The following DNAH8 variants were observed in gnomAD, a reference collection of about 807,000 sequenced individuals.
The protein encoded by DNAH8 is axonemal beta dynein heavy chain 8.
A neutral mutation model predicts 562.1 loss-of-function variants in DNAH8; 382 were observed. The observed-to-expected ratio is 0.68, with a 90% confidence interval of 0.63 to 0.74. The LOEUF (loss-of-function observed/expected upper bound fraction) is 0.74, where lower values mean the gene tolerates loss of function less well. Among genes scored for constraint, DNAH8 ranks in the 30% least tolerant of loss-of-function variants. The probability of loss-of-function intolerance (pLI) is 0.00; values close to 1 mark genes in which losing one functional copy is unlikely to be tolerated. For missense variants in DNAH8, 5,203 were observed against 5,620.4 expected, an observed-to-expected ratio of 0.93 and a Z score of 2.37; for synonymous variants, 1,881 against 1,919.4, an observed-to-expected ratio of 0.98 and a Z score of 0.52.
chr6:38,812,431 C>G (rs1771882302), intron 24 of DNAH8, among the ~76,000 whole-genome samples: 1 of 152,162 alleles, frequency 6.6e-6, no homozygotes, highest in African/African-American at 2.4e-5. Context: ...GAGGATAGTA[C>G]TAAAAACCCT....
chr6:38,884,064 A>G, intron 56 of DNAH8, 66 bp downstream of exon 56: 1 of 1,042,300 alleles, frequency 9.6e-7, no homozygotes, highest in Non-Finnish European at 1.2e-6. Context: ...TATTATATAT[A>G]TGTAAATGTT....
At chr6:38,922,314 T>C (rs1781772536) in intron 71 of DNAH8, among the ~76,000 whole-genome samples, 1 of 151,778 alleles carries the variant, frequency 6.6e-6, no homozygotes, top group South Asian at 2.1e-4. Flanking sequence ...TATTTGCTGA[T>C]TTCTGTGGTG....
chr6:38,929,724 GAA>G (rs1222604990), intron 75 of DNAH8, 58 bp downstream of exon 75: 7 of 1,396,252 alleles, frequency 5.0e-6, no homozygotes, highest in Non-Finnish European at 6.6e-6. Context: ...AAGAAAAAAA[GAA>G]AAAAATTAAG....
rs769488761 is a variant in DNAH8, at chr6:38,884,015, T to C, written c.8259+17T>C. The C allele has an allele frequency of 6.8e-7, 1 of 1,464,724 alleles. No individual in the cohort carries two copies. Among genetic ancestry groups the C allele is most frequent in the South Asian group, 1.6e-5 (1 of 63,792 alleles). The allele number at this position is 1,464,724 out of a possible 1,614,324, so 90.7% of individuals were successfully genotyped here. A position where few individuals can be genotyped will look rare whatever the true frequency, so the allele number is the denominator to read the frequency against. On this transcript the variant is annotated intron_variant, in intron 56 of 92. Transcript: ENST00000327475. Reference sequence around the variant, plus strand: ...GGAGATCAGGTATGGCTGAAATATCTCATATAGATGATCCTGAATTTGTAT... The same window carrying C: ...GGAGATCAGGTATGGCTGAAATATCCCATATAGATGATCCTGAATTTGTAT...
chr6:38,841,665 CTTTACTTGGACCT>C (rs1774803119), intron 33 of DNAH8, among the ~76,000 whole-genome samples: 2 of 152,030 alleles, frequency 1.3e-5, no homozygotes, highest in Admixed American at 1.3e-4. Context: ...AAGAATTTTC[CTTTACTTGGACCT>C]TTTATTCTTG....
At chr6:38,730,820 AT>A (rs1321362049) in intron 4 of DNAH8, among the ~76,000 whole-genome samples, 1 of 152,026 alleles carries the variant, frequency 6.6e-6, no homozygotes, top group Non-Finnish European at 1.5e-5. Context: ...GCCCCTCTTC[AT>A]TGTTTTCTGC....
In DNAH8 at chr6:38,956,501, C is replaced by T. The variant is rs79717975; in HGVS notation, c.12451+4981C>T. 0.011 allele frequency among the ~76,000 whole-genome samples: 1,685 copies of T among 152,250 alleles called. 103 individuals are homozygous for T. In the East Asian group the frequency reaches 0.16, roughly 14 times the overall value. Reference sequence around the variant, plus strand: ...AGGTGGGCTTGCCAGCTCTGCCCCACGTCAAGTCCTGAAGGGCTCCGGTCT... The same window carrying T: ...AGGTGGGCTTGCCAGCTCTGCCCCATGTCAAGTCCTGAAGGGCTCCGGTCT... On this transcript the variant is annotated intron_variant, in intron 82 of 92. Transcript: ENST00000327475.
At chr6:38,964,352 G>GC in intron 82 of DNAH8, among the ~76,000 whole-genome samples, 1 of 20,204 alleles carries the variant, frequency 4.9e-5, no homozygotes, top group Non-Finnish European at 8.4e-5. Context: ...TCCCTCCCGG[G>GC]GGGGCTGACC....
At position 38,971,594 on chromosome 6, in the gene DNAH8, T is replaced by G. The variant is rs778809220; in HGVS notation, c.12454T>G (p.Cys4152Gly). Reference sequence around the variant, plus strand: ...GTGAACTTTCTCCTATGTTACAGAATGTAGAACTATCTCAATGGGGCAAGG... The same window carrying G: ...GTGAACTTTCTCCTATGTTACAGAAGGTAGAACTATCTCAATGGGGCAAGG... ...DALAKKLKLECRTISMGQGQE... is the reference protein window; with the variant it reads ...DALAKKLKLEGRTISMGQGQE... Residue 4152 changes from cysteine (C) to glycine (G), a missense_variant and splice_region_variant, in exon 83 of 93, where the codon TGT (cysteine) becomes GGT (glycine). Cys to Gly is a radical substitution (Grantham distance 159). Around this residue, in one of 6 missense-constraint regions of DNAH8, gnomAD observed 1,399 missense variants for 1,518.4 expected, o/e 0.92. Coordinates refer to ENST00000327475, the MANE Select transcript of DNAH8 (RefSeq NM_001206927.2). 1.9e-6 allele frequency: 3 copies of G among 1,577,184 alleles called. No homozygotes were observed. Among genetic ancestry groups the G allele is most frequent in the Non-Finnish European group, 2.6e-6 (3 of 1,163,188 alleles).
At chr6:38,780,485 C>T (rs1768474670) in intron 15 of DNAH8, among the ~76,000 whole-genome samples, 1 of 152,020 alleles carries the variant, frequency 6.6e-6, no homozygotes, top group South Asian at 2.1e-4. Context: ...GTGGTAGATA[C>T]ACCATGGAAT....
chr6:38,723,046 G>A lies in DNAH8; in HGVS notation c.237G>A (p.Ala79=). ...TAGTTCTTCCAGATGATCATGAAGCGGATCTGAATAGAGTTCGACAGAGGC... is the reference window on the plus strand; with the variant it reads ...TAGTTCTTCCAGATGATCATGAAGCAGATCTGAATAGAGTTCGACAGAGGC... ...EGIVLPDDHE[A]DLNRVRQRLA... Residue 79 remains alanine, a synonymous_variant, in exon 2 of 93, where the codon GCG becomes GCA. Coordinates refer to ENST00000327475, the MANE Select transcript of DNAH8 (RefSeq NM_001206927.2). 13 of 1,612,856 alleles carry A rather than the reference G, an allele frequency of 8.1e-6. No individual in the cohort carries two copies. In the South Asian group the frequency reaches 8.8e-5, roughly 11 times the overall value.
At chr6:38,992,949 CCTT>C (rs1764893989) in intron 88 of DNAH8, among the ~76,000 whole-genome samples, 1 of 151,912 alleles carries the variant, frequency 6.6e-6, no homozygotes, top group Non-Finnish European at 1.5e-5. Context: ...TGCTTTTTCT[CCTT>C]CTATATTTAT....
intron 19 of DNAH8, 119 bp downstream of exon 19, chr6:38,790,002 AT>A: frequency 4.2e-6 from 3 of 716,736 alleles, no homozygotes; most frequent in Middle Eastern, 3.2e-4. Flanking sequence ...TTCTAGTTCA[AT>A]TTTATAGCTC....
Position 38,928,920 on chromosome 6 carries a change from C to G in DNAH8, c.11119-591C>G, listed in dbSNP as rs571169619. On this transcript the variant is annotated intron_variant, in intron 74 of 92. Coordinates refer to ENST00000327475, the MANE Select transcript of DNAH8 (RefSeq NM_001206927.2). ...ATTAATCTAAACACGAAGACCCAAC[C>G]AGGAATTCAGAATTGCAGTTTTAAA... Among the ~76,000 whole-genome samples, 4 of 152,258 alleles carry G rather than the reference C, an allele frequency of 2.6e-5. No individual in the cohort carries two copies. In the East Asian group the frequency reaches 5.8e-4, roughly 22 times the overall value.
intron 26 of DNAH8, among the ~76,000 whole-genome samples, chr6:38,818,537 C>CAAAAA (rs70981590): frequency 1.2e-4 from 9 of 75,846 alleles, no homozygotes; most frequent in African/African-American, 3.7e-4. Flanking sequence ...AAAGCAAAAG[C>CAAAAA]AAAAAAAAAA....
chr6:38,729,671 G>A (rs374155192), intron 3 of DNAH8, among the ~76,000 whole-genome samples: 52 of 152,280 alleles, frequency 3.4e-4, no homozygotes, highest in African/African-American at 1.3e-3. Flanking sequence ...GTGGGGCAGG[G>A]TCAGGTAAGT....
intron 85 of DNAH8, among the ~76,000 whole-genome samples, chr6:38,978,748 A>G (rs1763837834): frequency 6.6e-6 from 1 of 152,252 alleles, no homozygotes; most frequent in African/African-American, 2.4e-5. Flanking sequence ...TGGCTCTGAC[A>G]TCATTAAAAT....
At chr6:38,824,915 A>G (rs1227313961) in intron 28 of DNAH8, among the ~76,000 whole-genome samples, 1 of 152,200 alleles carries the variant, frequency 6.6e-6, no homozygotes, top group Non-Finnish European at 1.5e-5. Flanking sequence ...GAAACTATGC[A>G]TCAGTGGCAA....
At chr6:38,794,697 T>C (rs1770065081) in intron 21 of DNAH8, among the ~76,000 whole-genome samples, 1 of 152,244 alleles carries the variant, frequency 6.6e-6, no homozygotes, top group African/African-American at 2.4e-5. Flanking sequence ...CTCAGTGTTA[T>C]ATGTATGAGA....
Sources: gnomAD v4.1 joint callset for allele counts (sites outside exome capture counted in the v4.1 genomes callset) on GRCh38, gnomAD v4.1.1 for gene constraint, gnomAD v4.1.1 regional missense constraint, MANE v1.5 for transcripts, NCBI Gene and HGNC (gene_info 2026-07-23, HGNC 2026-07-21) for gene names.